Variants in SPATA22 observed in about 807,000 individuals in gnomAD.
SPATA22 encodes spermatogenesis associated 22.
A neutral mutation model predicts 47.8 loss-of-function variants in SPATA22; 29 were observed. The observed-to-expected ratio is 0.61, with a 90% CI of 0.45 to 0.83. SPATA22 has a LOEUF of 0.83. Ranked by LOEUF, SPATA22 falls within the 40% of genes least tolerant of loss-of-function variation. SPATA22 has a pLI of 0.00. For synonymous variants in SPATA22, 133 were observed against 140.9 expected (o/e 0.94, Z 0.40); for missense variants, 410 against 421.7 (o/e 0.97, Z 0.24).
intron 1 of SPATA22, among the ~76,000 whole-genome samples, chr17:3,491,032 G>A (rs766675481): frequency 5.3e-5 from 8 of 152,254 alleles, no homozygotes; most frequent in East Asian, 1.9e-4. Flanking sequence ...AATCATAGCC[G>A]CCATGTGAAA....
chr17:3,454,327 T>C (rs1428060271), intron 5 of SPATA22, among the ~76,000 whole-genome samples: 1 of 151,916 alleles, frequency 6.6e-6, no homozygotes, highest in Non-Finnish European at 1.5e-5. Flanking sequence ...TACTTTAAGT[T>C]TTAGGGTACA....
chr17:3,489,313 C>T lies in SPATA22; in HGVS notation c.-73-19915G>A. The stretch of plus-strand genomic sequence containing the variant: ...CAAATGAGAAAAATGATTAAACATG[C>T]TCTTGATTTTATACATCATTTCAAT... On this transcript the variant is annotated intron_variant, in intron 1 of 8. Transcript: ENST00000541913. 1 of 1,612,676 alleles carries T rather than the reference C, an allele frequency of 6.2e-7. No homozygotes were observed. The highest frequency in any genetic ancestry group is 1.7e-4 in the Middle Eastern group (1 of 5,856).
upstream of SPATA22, chr17:3,476,085 C>T (rs1034349851): frequency 4.4e-6 from 6 of 1,379,034 alleles, no homozygotes; most frequent in African/African-American, 5.7e-5. Flanking sequence ...CATTTCTAAA[C>T]CTTTCTTAAG....
intron 1 of SPATA22, among the ~76,000 whole-genome samples, chr17:3,509,386 A>C (rs556460217): frequency 7.9e-5 from 12 of 151,972 alleles, no homozygotes; most frequent in Admixed American, 3.3e-4. Flanking sequence ...CTCAATGTTC[A>C]ATTCCACTTA....
At chr17:3,471,652 C>G in intron 1 of SPATA22, 30 bp downstream of exon 1, 1 of 984,874 alleles carries the variant, frequency 1.0e-6, no homozygotes, top group Non-Finnish European at 1.2e-6. Flanking sequence ...GACCCGCCCA[C>G]GGAGTGGGGG....
At chr17:3,497,587 G>A (rs2073930170) in intron 1 of SPATA22, among the ~76,000 whole-genome samples, 1 of 152,272 alleles carries the variant, frequency 6.6e-6, no homozygotes. Flanking sequence ...TGATTTATCT[G>A]AAATGGGCCA....
At chr17:3,474,977 G>A (rs1003929239), upstream of SPATA22, among the ~76,000 whole-genome samples, 1 of 152,202 alleles carries the variant, frequency 6.6e-6, no homozygotes, top group Non-Finnish European at 1.5e-5. Context: ...CAGTGGGGAT[G>A]TCAACACCTA....
At chr17:3,508,271 G>A (rs1201282990) in intron 1 of SPATA22, among the ~76,000 whole-genome samples, 1 of 151,148 alleles carries the variant, frequency 6.6e-6, no homozygotes, top group Non-Finnish European at 1.5e-5. Context: ...AGAGGATGTG[G>A]AGAAATAGGA....
rs192638586 is a variant in SPATA22 at position 3,504,309 on chromosome 17, T to G, written c.-74+9103A>C. On this transcript the variant is annotated intron_variant, in intron 1 of 8. Transcript: ENST00000541913. ...CTAGAAAGTGACCAATAGAGGTGAG[T>G]TGAATAAATGAGCATGCTCAAACAT... 7.0e-4 allele frequency among the ~76,000 whole-genome samples: 107 copies of G among 152,232 alleles called. 1 individual carries two copies. Among genetic ancestry groups the G allele is most frequent in the Middle Eastern group, 6.8e-3 (2 of 294 alleles).
At chr17:3,480,749 T>C (rs1316291807) in intron 1 of SPATA22, among the ~76,000 whole-genome samples, 1 of 152,248 alleles carries the variant, frequency 6.6e-6, no homozygotes, top group Non-Finnish European at 1.5e-5. Context: ...AGGGCTGTTA[T>C]CATCTTTGTT....
chr17:3,462,491 A>G lies in SPATA22; in HGVS notation c.321T>C (p.Gly107=). The change falls in exon 5 of 9, where the codon GGT becomes GGC. Residue 107 remains glycine, a synonymous_variant. Transcript: ENST00000572969. Reference sequence around the variant, plus strand: ...ATTTTAAGTAGACTCACCTCCAACCACCCTGGCTTCTTCCAGTATTTGATT... The same window carrying G: ...ATTTTAAGTAGACTCACCTCCAACCGCCCTGGCTTCTTCCAGTATTTGATT... ...SIQSNTGRSQ[G]GWSYRDGNKN... 6.2e-7 allele frequency: 1 copy of G among 1,602,310 alleles called. No individual in the cohort carries two copies. The highest frequency in any genetic ancestry group is 1.1e-5 in the South Asian group (1 of 88,164).
At chr17:3,489,442 C>G in intron 1 of SPATA22, 1 of 1,038,852 alleles carries the variant, frequency 9.6e-7, no homozygotes, top group Non-Finnish European at 1.5e-6. Flanking sequence ...ATATGAAGTG[C>G]TTTTTAAAAT....
intron 1 of SPATA22, chr17:3,512,472 A>C (rs2074126524): frequency 6.6e-6 from 1 of 152,260 alleles, no homozygotes; most frequent in African/African-American, 2.4e-5. Flanking sequence ...AGTTTGCCTC[A>C]AGCCAGATGA....
upstream of SPATA22, chr17:3,475,624 A>G (rs1399716429): frequency 1.2e-5 from 2 of 161,144 alleles, no homozygotes; most frequent in Non-Finnish European, 2.7e-5. Context: ...TTGGCTGTTT[A>G]TAGAGGTGAG....
At chr17:3,511,965 A>C (rs1459194054) in intron 1 of SPATA22, 1 of 152,188 alleles carries the variant, frequency 6.6e-6, no homozygotes, top group African/African-American at 2.4e-5. Context: ...TTCAGGCTTA[A>C]TGCGGGTAGC....
At chr17:3,458,420 C>G (rs2073045089) in intron 5 of SPATA22, among the ~76,000 whole-genome samples, 1 of 151,922 alleles carries the variant, frequency 6.6e-6, no homozygotes, top group African/African-American at 2.4e-5. Context: ...TATGGAAGTT[C>G]CTCAAAAAAT....
chr17:3,462,597 T>C lies in SPATA22; in HGVS notation c.234-19A>G, dbSNP rs770706828. 6.2e-7 allele frequency: 1 copy of C among 1,601,922 alleles called. No homozygotes were observed. Among genetic ancestry groups the C allele is most frequent in the South Asian group, 1.1e-5 (1 of 90,500 alleles). ...TATTTGCCTTTCAAGGGAATATGTC[T>C]TGTTAAATATTAATAGTTTGCTTTC... is the stretch of plus-strand genomic sequence containing the variant. On this transcript the variant is annotated intron_variant, in intron 4 of 8. Coordinates refer to ENST00000572969, the MANE Select transcript of SPATA22 (RefSeq NM_001170698.2).
chr17:3,492,941 C>T (rs557495695), intron 1 of SPATA22, among the ~76,000 whole-genome samples: 269 of 152,302 alleles, frequency 1.8e-3, no homozygotes, highest in African/African-American at 6.3e-3. Flanking sequence ...TTTGAAGCCA[C>T]TAAATTCTGG....
At chr17:3,442,939 G>C (rs1398248252) in intron 8 of SPATA22, among the ~76,000 whole-genome samples, 2 of 151,858 alleles carry the variant, frequency 1.3e-5, no homozygotes, top group East Asian at 3.9e-4. Flanking sequence ...TACAAACTCT[G>C]AGAGAAAGAG....
Sources: gnomAD v4.1 joint callset for allele counts (sites outside exome capture counted in the v4.1 genomes callset) on GRCh38, gnomAD v4.1.1 for gene constraint, MANE v1.5 for transcripts, NCBI Gene and HGNC (gene_info 2026-07-23, HGNC 2026-07-21) for gene names.